The following MGAT4C variants were observed in gnomAD, a reference collection of about 807,000 sequenced individuals.
MGAT4C encodes MGAT4 family member C.
A neutral mutation model predicts 40.1 loss-of-function variants in MGAT4C; 19 were observed. That is an observed-to-expected ratio of 0.47 (90% CI 0.33 to 0.70). MGAT4C has a LOEUF of 0.70. MGAT4C is among the 30% of genes least tolerant of loss of function. MGAT4C has a pLI of 0.02. For synonymous variants in MGAT4C, 181 were observed against 187.1 expected, an observed-to-expected ratio of 0.97 and a Z score of 0.27; for missense variants, 491 against 563.2, an observed-to-expected ratio of 0.87 and a Z score of 1.30.
At chr12:86,669,257 G>A (rs1487950985) in intron 2 of MGAT4C, among the ~76,000 whole-genome samples, 3 of 151,972 alleles carry the variant, frequency 2.0e-5, no homozygotes, top group Non-Finnish European at 4.4e-5. Context: ...GGCATTTGAA[G>A]CACTTGCTCA....
At chr12:86,614,602 C>T (rs1201041521) in intron 2 of MGAT4C, among the ~76,000 whole-genome samples, 1 of 151,740 alleles carries the variant, frequency 6.6e-6, no homozygotes, top group African/African-American at 2.4e-5. Context: ...CATTTTTAAG[C>T]ACTGATTACC....
intron 1 of MGAT4C, among the ~76,000 whole-genome samples, chr12:86,114,412 G>A (rs1251046923): frequency 6.6e-6 from 1 of 151,722 alleles, no homozygotes; most frequent in Non-Finnish European, 1.5e-5. Context: ...AGGTTTGCGA[G>A]CATGACATGC....
chr12:85,989,483 T>G lies in MGAT4C; in HGVS notation c.64A>C (p.Lys22Gln). 6.2e-7 allele frequency: 1 copy of G among 1,607,020 alleles called. No individual in the cohort carries two copies. Among genetic ancestry groups the G allele is most frequent in the Non-Finnish European group, 8.5e-7 (1 of 1,175,276 alleles). The change falls in exon 3 of 5, where the codon AAA becomes CAA. Residue 22 changes from lysine (K) to glutamine (Q), a missense_variant. Coordinates refer to ENST00000611864, the MANE Select transcript of MGAT4C (RefSeq NM_001351288.2). ...EILDKMRCLR[K>Q]RSTVSFLGVL... Reference sequence around the variant, plus strand: ...CCCAAGAATGACACTGTAGAACGTTTTCTCAGGCATCTCATTTTATCAAGT... The same window carrying G: ...CCCAAGAATGACACTGTAGAACGTTGTCTCAGGCATCTCATTTTATCAAGT...
intron 2 of MGAT4C, among the ~76,000 whole-genome samples, chr12:86,583,602 T>A (rs1206497684): frequency 2.0e-5 from 3 of 151,108 alleles, no homozygotes; most frequent in Non-Finnish European, 4.5e-5. Flanking sequence ...TACCACAAAG[T>A]TTAACTATTC....
intron 2 of MGAT4C, among the ~76,000 whole-genome samples, chr12:86,024,489 A>G (rs1890073238): frequency 1.3e-5 from 2 of 151,822 alleles, no homozygotes; most frequent in Admixed American, 1.3e-4. Flanking sequence ...TCTATTTTGT[A>G]AAATTACTGC....
intron 4 of MGAT4C, among the ~76,000 whole-genome samples, chr12:86,291,661 A>C (rs1953521530): frequency 6.6e-6 from 1 of 152,168 alleles, no homozygotes; most frequent in South Asian, 2.1e-4. Flanking sequence ...GGGCAGAATA[A>C]ATGGATTTTT....
intron 1 of MGAT4C, among the ~76,000 whole-genome samples, chr12:86,823,826 A>G (rs1268686845): frequency 6.6e-6 from 1 of 151,312 alleles, no homozygotes; most frequent in Non-Finnish European, 1.5e-5. Context: ...TAGAAGTGAA[A>G]CATAGATAAG....
chr12:86,062,511 C>T (rs936355229), intron 1 of MGAT4C, among the ~76,000 whole-genome samples: 1 of 152,002 alleles, frequency 6.6e-6, no homozygotes, highest in Non-Finnish European at 1.5e-5. Flanking sequence ...GGGAACAAAA[C>T]TGGACAGAGA....
chr12:86,511,224 C>G (rs1958576458), intron 2 of MGAT4C, among the ~76,000 whole-genome samples: 1 of 151,984 alleles, frequency 6.6e-6, no homozygotes, highest in Non-Finnish European at 1.5e-5. Context: ...AACTGAACAA[C>G]CTGCTCCTGA....
chr12:86,230,696 T>C (rs186995115), intron 1 of MGAT4C, among the ~76,000 whole-genome samples: 1 of 152,212 alleles, frequency 6.6e-6, no homozygotes, highest in African/African-American at 2.4e-5. Context: ...TTCATATGTT[T>C]ATATGGGAAA....
At chr12:86,012,753 A>AAACAACAACAAC (rs552362981) in intron 2 of MGAT4C, among the ~76,000 whole-genome samples, 142 of 109,668 alleles carry the variant, frequency 1.3e-3, no homozygotes, top group African/African-American at 1.9e-3. Flanking sequence ...ACTCCGTCTC[A>AAACAACAACAAC]AACAACAACA....
intron 2 of MGAT4C, among the ~76,000 whole-genome samples, chr12:86,449,179 T>C (rs1957385643): frequency 6.6e-6 from 1 of 152,156 alleles, no homozygotes; most frequent in African/African-American, 2.4e-5. Context: ...ATTGAGAACA[T>C]ACAATCAATA....
At chr12:86,024,869 C>T (rs1565876013) in intron 2 of MGAT4C, among the ~76,000 whole-genome samples, 1 of 151,044 alleles carries the variant, frequency 6.6e-6, no homozygotes, top group Non-Finnish European at 1.5e-5. Flanking sequence ...TCCCTTTATT[C>T]GAGTTATCAC....
intron 2 of MGAT4C, among the ~76,000 whole-genome samples, chr12:86,497,106 A>C (rs988046490): frequency 1.3e-5 from 2 of 152,072 alleles, no homozygotes; most frequent in Non-Finnish European, 2.9e-5. Flanking sequence ...AATAAAATCC[A>C]GATGGCTACA....
intron 1 of MGAT4C, among the ~76,000 whole-genome samples, chr12:86,786,987 T>C (rs2136189127): frequency 6.6e-6 from 1 of 152,274 alleles, no homozygotes; most frequent in East Asian, 1.9e-4. Flanking sequence ...TTCAGGCCCA[T>C]CAAACAATGT....
At chr12:86,256,086 A>G (rs1393528168) in intron 1 of MGAT4C, among the ~76,000 whole-genome samples, 153 bp downstream of exon 1, 6 of 151,926 alleles carry the variant, frequency 3.9e-5, no homozygotes, top group African/African-American at 1.5e-4. Context: ...TTTTTAATTC[A>G]TTTTGCTAAC....
At position 85,964,174 on chromosome 12, in the gene MGAT4C, T is replaced by C. The variant is rs1441154888; in HGVS notation, c.*15115A>G. The C allele has an allele frequency of 6.6e-6, 1 of 152,110 alleles. No individual in the cohort carries two copies. Among genetic ancestry groups the C allele is most frequent in the East Asian group, 1.9e-4 (1 of 5,196 alleles). 9.4% of individuals were successfully genotyped at this position (152,110 alleles called of 1,614,324 possible). ...AGATTATAAAACACCAATGATTAGATTATGTTATAAAGACACTATGAAGAG... is the reference window on the plus strand; with the variant it reads ...AGATTATAAAACACCAATGATTAGACTATGTTATAAAGACACTATGAAGAG... On this transcript the variant is annotated 3_prime_UTR_variant, in exon 5 of 5. Transcript: ENST00000611864.
intron 1 of MGAT4C, among the ~76,000 whole-genome samples, chr12:86,065,909 C>T (rs1226752596): frequency 6.6e-6 from 1 of 152,098 alleles, no homozygotes; most frequent in Non-Finnish European, 1.5e-5. Flanking sequence ...TTCCTATATA[C>T]CAATAACAGA....
intron 2 of MGAT4C, among the ~76,000 whole-genome samples, chr12:86,636,968 T>C (rs1204233262): frequency 6.6e-6 from 1 of 151,932 alleles, no homozygotes; most frequent in East Asian, 1.9e-4. Flanking sequence ...TATTAAGTGT[T>C]GGTCATTATT....
Sources: allele counts gnomAD v4.1 joint callset (sites outside exome capture counted in the v4.1 genomes callset), GRCh38; gene constraint gnomAD v4.1.1; transcripts MANE v1.5; gene names NCBI Gene and HGNC (gene_info 2026-07-23, HGNC 2026-07-21).